Variants in UBE2Q2 observed in about 807,000 individuals in gnomAD.
The protein encoded by UBE2Q2 is ubiquitin-conjugating enzyme E2 Q2.
UBE2Q2 carries 54 observed loss-of-function variants against 59.9 expected under a neutral mutation model. That is an observed-to-expected ratio of 0.90 (90% CI 0.72 to 1.13). The LOEUF is 1.13. Among genes scored for constraint, UBE2Q2 ranks in the 50% most tolerant of loss-of-function variants. The pLI, the probability that UBE2Q2 is intolerant of heterozygous loss-of-function variation, is 0.00. For missense variants in UBE2Q2, 433 were observed against 441.9 expected (o/e 0.98, Z 0.18); for synonymous variants, 165 against 155.2 (o/e 1.06, Z -0.47).
chr15:75,869,324 C>A (rs755817242), intron 4 of UBE2Q2, among the ~76,000 whole-genome samples: 1 of 152,240 alleles, frequency 6.6e-6, no homozygotes, highest in African/African-American at 2.4e-5. Flanking sequence ...AGAGGAACTA[C>A]TAAGTTTAAA....
chr15:75,843,741 C>T lies in UBE2Q2; in HGVS notation c.75C>T (p.Arg25=), dbSNP rs765414921. 12 of 1,611,688 alleles carry T rather than the reference C, an allele frequency of 7.4e-6. No individual in the cohort carries two copies. Among genetic ancestry groups the T allele is most frequent in the South Asian group, 1.1e-5 (1 of 90,738 alleles). The change falls in exon 1 of 13, where the codon CGC becomes CGT. Residue 25 remains arginine, a synonymous_variant. Coordinates refer to ENST00000267938, the MANE Select transcript of UBE2Q2 (RefSeq NM_173469.4). ...TCGACAAGAACCACGAGCGATTCCG[C>T]ATCGTCAGTTGGAAGCTGGACGAGC... is the stretch of plus-strand genomic sequence containing the variant. ...SIFDKNHERF[R]IVSWKLDELH...
chr15:75,894,593 C>A (rs991579057), intron 11 of UBE2Q2, among the ~76,000 whole-genome samples: 1 of 151,616 alleles, frequency 6.6e-6, no homozygotes, highest in Admixed American at 6.6e-5. Context: ...CTTAAAAGAA[C>A]CTGAAGGAAA....
chr15:75,873,984 C>T (rs976390110), intron 5 of UBE2Q2, among the ~76,000 whole-genome samples: 13 of 152,042 alleles, frequency 8.6e-5, no homozygotes, highest in Non-Finnish European at 1.9e-4. Flanking sequence ...CATGAGCCAC[C>T]GTGCCTAGCC....
At chr15:75,887,937 C>G (rs1898879707) in intron 9 of UBE2Q2, among the ~76,000 whole-genome samples, 1 of 152,148 alleles carries the variant, frequency 6.6e-6, no homozygotes, top group African/African-American at 2.4e-5. Context: ...TAAAAGCTTG[C>G]CATCTCAATC....
At chr15:75,876,100 A>C in intron 5 of UBE2Q2, 87 bp from the exon 6 acceptor site, 1 of 1,229,184 alleles carries the variant, frequency 8.1e-7, no homozygotes, top group Non-Finnish European at 1.2e-6. Context: ...GTGGTGATCC[A>C]TTTTTGCTGT....
In UBE2Q2 at chr15:75,851,081, T is replaced by C. The variant is rs143547352; in HGVS notation, c.181-3305T>C. On this transcript the variant is annotated intron_variant, in intron 1 of 12. Transcript: ENST00000267938. ...AATCCAACCTTATACAGATACCTGG[T>C]TGGAAAAATTGTGAATATTTTAATG... is the stretch of plus-strand genomic sequence containing the variant. Among the ~76,000 whole-genome samples the C allele has an allele frequency of 2.0e-3, 307 of 152,256 alleles. 1 individual carries two copies. The highest frequency in any genetic ancestry group is 0.017 in the East Asian group (86 of 5,182).
At chr15:75,890,618 C>G (rs1380775127) in intron 10 of UBE2Q2, 135 bp downstream of exon 10, 2 of 801,986 alleles carry the variant, frequency 2.5e-6, no homozygotes, top group Non-Finnish European at 4.0e-6. Flanking sequence ...CGTCTACTTT[C>G]AAGAATGAAA....
chr15:75,877,993 T>G lies in UBE2Q2; in HGVS notation c.706T>G (p.Leu236Val). The change falls in exon 7 of 13, where the codon TTA (leucine) becomes GTA (valine). Residue 236 changes from leucine to valine, a missense_variant. Leu to Val is a conservative substitution (Grantham distance 32). Transcript: ENST00000267938. ...TTCAGTGGAACTCATAAATGACAGT[T>G]TATATGACTGGCATGTTAAACTGCA... ...IYSVELINDSLYDWHVKLQKV... is the reference protein window; with the variant it reads ...IYSVELINDSVYDWHVKLQKV... 3 of 1,613,800 alleles carry G rather than the reference T, an allele frequency of 1.9e-6. No homozygotes were observed. The highest frequency in any genetic ancestry group is 2.5e-6 in the Non-Finnish European group (3 of 1,179,878).
intron 7 of UBE2Q2, 23 bp from the exon 8 acceptor site, chr15:75,879,075 G>T: frequency 1.3e-6 from 2 of 1,501,996 alleles, no homozygotes; most frequent in South Asian, 1.3e-5. Flanking sequence ...TATTTGAACT[G>T]TTTTTTGTTT....
chr15:75,874,109 C>G (rs574278278), intron 5 of UBE2Q2, among the ~76,000 whole-genome samples: 4 of 152,160 alleles, frequency 2.6e-5, no homozygotes, highest in African/African-American at 9.6e-5. Flanking sequence ...TGTATTTGCC[C>G]CTTCCCGGCC....
chr15:75,887,566 CT>C (rs754466511), intron 9 of UBE2Q2, among the ~76,000 whole-genome samples: 2 of 143,732 alleles, frequency 1.4e-5, no homozygotes, highest in African/African-American at 2.6e-5. Flanking sequence ...GGCCACAGAT[CT>C]TTTTTTTTTT....
At chr15:75,890,295 T>C in intron 9 of UBE2Q2, 140 bp from the exon 10 acceptor site, 1 of 625,380 alleles carries the variant, frequency 1.6e-6, no homozygotes, top group South Asian at 2.2e-5. Flanking sequence ...TAGTCCTGTA[T>C]CCCTAACAAC....
intron 11 of UBE2Q2, among the ~76,000 whole-genome samples, chr15:75,893,700 CAGTT>C (rs768998083): frequency 2.2e-4 from 33 of 152,172 alleles, no homozygotes; most frequent in African/African-American, 5.1e-4. Context: ...GATTTAAAAA[CAGTT>C]GGTACCATAC....
At chr15:75,856,269 G>GTGTGTGTATATATATATATATATATA (rs1256142539) in intron 2 of UBE2Q2, among the ~76,000 whole-genome samples, 3 of 139,276 alleles carry the variant, frequency 2.2e-5, no homozygotes, top group African/African-American at 8.2e-5. Flanking sequence ...GTGTGTGTGT[G>GTGTGTGTATATATATATATATATATA]TATATATATA....
At chr15:75,867,213 C>A (rs189054119) in intron 3 of UBE2Q2, among the ~76,000 whole-genome samples, 2 of 152,176 alleles carry the variant, frequency 1.3e-5, no homozygotes, top group Admixed American at 6.5e-5. Flanking sequence ...TTGAGTTATA[C>A]TAAAAACACT....
At chr15:75,844,417 C>G in intron 1 of UBE2Q2, 2 of 1,551,548 alleles carry the variant, frequency 1.3e-6, no homozygotes, top group Non-Finnish European at 1.7e-6. Context: ...TTTGAGCGAC[C>G]CCTCTCCCCC....
chr15:75,864,957 T>G (rs1358116150), intron 3 of UBE2Q2, among the ~76,000 whole-genome samples: 1 of 152,260 alleles, frequency 6.6e-6, no homozygotes, highest in African/African-American at 2.4e-5. Flanking sequence ...AAAATCTGTT[T>G]TCTAAGTAAG....
chr15:75,900,361 C>A lies in UBE2Q2; in HGVS notation c.*903C>A, dbSNP rs991479716. 1 of 152,572 alleles carries A rather than the reference C, an allele frequency of 6.6e-6. No individual in the cohort carries two copies. The highest frequency in any genetic ancestry group is 2.4e-5 in the African/African-American group (1 of 41,436). 9.5% of individuals were successfully genotyped at this position (152,572 alleles called of 1,614,324 possible). ...AAGATACTTAATTTGGAGACTCTTA[C>A]AGTAATTTTTGCCATGTCAAAACAA... On this transcript the variant is annotated 3_prime_UTR_variant, in exon 13 of 13. Transcript: ENST00000267938.
intron 9 of UBE2Q2, among the ~76,000 whole-genome samples, chr15:75,887,509 G>A (rs1898850976): frequency 1.3e-5 from 2 of 152,016 alleles, no homozygotes; most frequent in East Asian, 3.9e-4. Context: ...AGAGTTTTAG[G>A]AAATAGTGCT....
Sources: allele counts gnomAD v4.1 joint callset (sites outside exome capture counted in the v4.1 genomes callset), GRCh38; gene constraint gnomAD v4.1.1; transcripts MANE v1.5; gene names NCBI Gene and HGNC (gene_info 2026-07-23, HGNC 2026-07-21).